Variants in CNNM2 observed in about 807,000 individuals in gnomAD.
CNNM2 encodes metal transporter CNNM2.
Under a neutral mutation model 66.9 loss-of-function variants are expected in CNNM2, and 12 were observed. That is an observed-to-expected ratio of 0.18 (90% CI 0.11 to 0.29). The LOEUF (loss-of-function observed/expected upper bound fraction) is 0.29. CNNM2 is among the 10% of genes least tolerant of loss of function. CNNM2 has a pLI of 1.00. For missense variants in CNNM2, 705 were observed against 1,167.7 expected (o/e 0.60, Z 5.77); for synonymous variants, 557 against 501.8 (o/e 1.11, Z -1.47).
At chr10:102,994,637 C>A (rs574923326) in intron 1 of CNNM2, among the ~76,000 whole-genome samples, 1 of 152,374 alleles carries the variant, frequency 6.6e-6, no homozygotes, top group South Asian at 2.1e-4. Context: ...GGAAACCACA[C>A]TGATCAGGAA....
intron 6 of CNNM2, among the ~76,000 whole-genome samples, chr10:103,073,387 C>A (rs1434203618): frequency 2.0e-5 from 3 of 152,218 alleles, no homozygotes; most frequent in African/African-American, 7.2e-5. Flanking sequence ...AACACACAAA[C>A]ACTGTTTCAA....
At chr10:103,040,554 T>C (rs1349447390) in intron 1 of CNNM2, among the ~76,000 whole-genome samples, 2 of 152,172 alleles carry the variant, frequency 1.3e-5, no homozygotes, top group East Asian at 3.9e-4. Context: ...TCTTCCTTTG[T>C]GAATGGAGGA....
chr10:102,940,317 G>C (rs1459761209), intron 1 of CNNM2, among the ~76,000 whole-genome samples: 6 of 151,880 alleles, frequency 4.0e-5, no homozygotes, highest in Non-Finnish European at 8.8e-5. Flanking sequence ...TTTACTTTTT[G>C]TTTTCTCTCC....
intron 1 of CNNM2, among the ~76,000 whole-genome samples, chr10:103,007,315 C>G (rs1279417705): frequency 6.6e-6 from 1 of 152,166 alleles, no homozygotes; most frequent in African/African-American, 2.4e-5. Flanking sequence ...GGTCTATGTT[C>G]AGTGGTACAC....
chr10:103,068,497 T>C (rs1236621385), intron 4 of CNNM2, 132 bp from the exon 5 acceptor site: 7 of 759,350 alleles, frequency 9.2e-6, no homozygotes, highest in Non-Finnish European at 1.6e-5. Context: ...AAAGATGAGC[T>C]GAAGCTTTAC....
chr10:102,991,855 C>T (rs2063904051), intron 1 of CNNM2, among the ~76,000 whole-genome samples: 1 of 152,140 alleles, frequency 6.6e-6, no homozygotes, highest in Non-Finnish European at 1.5e-5. Context: ...ATAGTTTAAC[C>T]AGTAACACTT....
rs117779158 is a variant in CNNM2, at chr10:103,015,592, G to A, written c.1622-34115G>A. On this transcript the variant is annotated intron_variant, in intron 1 of 7. Coordinates refer to ENST00000369878, the MANE Select transcript of CNNM2 (RefSeq NM_017649.5). ...TGCCCGGCCGGCTGCAGTGGCTCAC[G>A]CCTGTAATCACAGCACTTTAGAAGG... Among the ~76,000 whole-genome samples, 14 of 152,088 alleles carry A rather than the reference G, an allele frequency of 9.2e-5. No individual in the cohort carries two copies. The East Asian group carries it at 2.5e-3, about 27-fold the overall frequency.
chr10:103,036,130 C>A, intron 1 of CNNM2, among the ~76,000 whole-genome samples: 1 of 149,478 alleles, frequency 6.7e-6, no homozygotes, highest in Non-Finnish European at 1.5e-5. Flanking sequence ...ACCAATAGGA[C>A]ACACACACAC....
At position 103,090,206 on chromosome 10, in the gene CNNM2, A is replaced by C; in HGVS notation, c.*13026A>C. ...GATAGTCCTGAAACAGATCAGAATA[A>C]AGGAATGTAAAAACCACATTTTCTT... On this transcript the variant is annotated 3_prime_UTR_variant, in exon 8 of 8. Coordinates refer to ENST00000369878, the MANE Select transcript of CNNM2 (RefSeq NM_017649.5). The C allele has an allele frequency of 2.8e-6, 1 of 359,154 alleles. No homozygotes were observed. Among genetic ancestry groups the C allele is most frequent in the Non-Finnish European group, 5.0e-6 (1 of 199,338 alleles). The allele number at this position is 359,154 out of a possible 1,614,324, so 22.2% of individuals were successfully genotyped here.
intron 1 of CNNM2, among the ~76,000 whole-genome samples, chr10:102,969,089 A>G (rs1359327953): frequency 6.9e-6 from 1 of 145,826 alleles, no homozygotes; most frequent in Non-Finnish European, 1.5e-5. Context: ...AATTTTTTCT[A>G]TTTTTTGTAG....
chr10:103,045,326 T>A (rs934245818), intron 1 of CNNM2, among the ~76,000 whole-genome samples: 1 of 152,214 alleles, frequency 6.6e-6, no homozygotes, highest in Non-Finnish European at 1.5e-5. Context: ...GATTGTAGGA[T>A]GCCTAATTGT....
chr10:103,086,667 T>C lies in CNNM2; in HGVS notation c.*9487T>C, dbSNP rs1197304682. The C allele has an allele frequency of 6.6e-6, 1 of 152,228 alleles. No homozygotes were observed. Among genetic ancestry groups the C allele is most frequent in the African/African-American group, 2.4e-5 (1 of 41,462 alleles). 9.4% of individuals were successfully genotyped at this position (152,228 alleles called of 1,614,324 possible). A position where few individuals can be genotyped will look rare whatever the true frequency, so the allele number is the denominator to read the frequency against. On this transcript the variant is annotated 3_prime_UTR_variant, in exon 8 of 8. Coordinates refer to ENST00000369878, the MANE Select transcript of CNNM2 (RefSeq NM_017649.5). ...GCTTTTTAAAGTGGTTTCTTAACAA[T>C]GCTAATGTGACTTAAGGATTTGTAG...
At chr10:102,933,578 T>G (rs1281872706) in intron 1 of CNNM2, among the ~76,000 whole-genome samples, 1 of 152,214 alleles carries the variant, frequency 6.6e-6, no homozygotes, top group Non-Finnish European at 1.5e-5. Context: ...TTTACTTCTT[T>G]AATTTGCTTG....
intron 1 of CNNM2, among the ~76,000 whole-genome samples, chr10:102,940,544 A>G (rs1441513198): frequency 2.6e-5 from 4 of 151,270 alleles, no homozygotes; most frequent in African/African-American, 4.9e-5. Context: ...TCAGCCTCCC[A>G]AGTAGCTGGG....
At chr10:102,935,124 A>T (rs1381692450) in intron 1 of CNNM2, among the ~76,000 whole-genome samples, 2 of 142,684 alleles carry the variant, frequency 1.4e-5, no homozygotes, top group African/African-American at 5.2e-5. Flanking sequence ...GCGCCATTGC[A>T]TTCCAGCCTG....
intron 1 of CNNM2, among the ~76,000 whole-genome samples, chr10:103,004,168 A>G (rs1183105431): frequency 1.4e-5 from 2 of 143,514 alleles, no homozygotes; most frequent in Non-Finnish European, 3.0e-5. Context: ...AAGCCTGGCT[A>G]ATTTTTTTGT....
At chr10:102,964,117 C>A (rs2063424918) in intron 1 of CNNM2, among the ~76,000 whole-genome samples, 1 of 152,136 alleles carries the variant, frequency 6.6e-6, no homozygotes, top group South Asian at 2.1e-4. Flanking sequence ...AATATTAAGT[C>A]TACACTCAGA....
rs1236895832 is a variant in CNNM2, at chr10:103,034,968, G to A, written c.1622-14739G>A. ...GGCCTGGGCGACAGAGCGAGACTCCGTCTCAAAAAAAAAAAAAAAAAATCT... is the reference window on the plus strand; with the variant it reads ...GGCCTGGGCGACAGAGCGAGACTCCATCTCAAAAAAAAAAAAAAAAAATCT... On this transcript the variant is annotated intron_variant, in intron 1 of 7. Coordinates refer to ENST00000369878, the MANE Select transcript of CNNM2 (RefSeq NM_017649.5). 6.6e-5 allele frequency among the ~76,000 whole-genome samples: 4 copies of A among 60,324 alleles called. No individual in the cohort carries two copies. In the South Asian group the frequency reaches 1.5e-3, roughly 22 times the overall value. The allele number at this position is 60,324 out of a possible 152,430, so 39.6% of individuals were successfully genotyped here. A position where few individuals can be genotyped will look rare whatever the true frequency, so the allele number is the denominator to read the frequency against.
chr10:102,987,145 G>T (rs1052017467), intron 1 of CNNM2, among the ~76,000 whole-genome samples: 1 of 152,102 alleles, frequency 6.6e-6, no homozygotes, highest in Non-Finnish European at 1.5e-5. Flanking sequence ...AGGGTTTAGG[G>T]TACAAAGGCT....
Sources: allele counts gnomAD v4.1 joint callset (sites outside exome capture counted in the v4.1 genomes callset), GRCh38; gene constraint gnomAD v4.1.1; transcripts MANE v1.5; gene names NCBI Gene and HGNC (gene_info 2026-07-23, HGNC 2026-07-21).